The following CEP112 variants were observed in gnomAD, a reference collection of about 807,000 sequenced individuals.
CEP112 encodes the protein centrosomal protein of 112 kDa.
CEP112 carries 127 observed loss-of-function variants against 153.0 expected under a neutral mutation model. The ratio of observed to expected loss-of-function variants is 0.83; its 90% CI spans 0.72 to 0.96. The LOEUF is 0.96. Ranked by LOEUF, CEP112 falls within the 40% of genes least tolerant of loss-of-function variation. The pLI is 0.00. For missense variants in CEP112, 1,089 were observed against 1,101.2 expected (o/e 0.99, Z 0.16); for synonymous variants, 358 against 374.4 (o/e 0.96, Z 0.51).
intron 20 of CEP112, among the ~76,000 whole-genome samples, chr17:65,883,024 G>A (rs1051388534): frequency 2.0e-5 from 3 of 152,106 alleles, no homozygotes; most frequent in Non-Finnish European, 4.4e-5. Flanking sequence ...GTCACAGTCT[G>A]TACTAGGAAC....
At chr17:65,809,856 G>T (rs1057351066) in intron 21 of CEP112, among the ~76,000 whole-genome samples, 1 of 152,048 alleles carries the variant, frequency 6.6e-6, no homozygotes, top group South Asian at 2.1e-4. Flanking sequence ...AGGAAGTGGG[G>T]GGGGGAAGAT....
chr17:66,132,811 C>T, intron 4 of CEP112, 48 bp from the exon 5 acceptor site: 1 of 1,177,028 alleles, frequency 8.5e-7, no homozygotes, highest in East Asian at 2.3e-5. Flanking sequence ...ATTCAGAGGA[C>T]ACAGAGTATT....
intron 21 of CEP112, among the ~76,000 whole-genome samples, chr17:65,786,493 G>A (rs1332338229): frequency 2.0e-5 from 3 of 150,396 alleles, no homozygotes; most frequent in African/African-American, 4.9e-5. Flanking sequence ...GGTTACTGAC[G>A]ATATGAGCAG....
At chr17:65,926,450 C>A (rs1804084560) in intron 19 of CEP112, among the ~76,000 whole-genome samples, 1 of 152,150 alleles carries the variant, frequency 6.6e-6, no homozygotes. Flanking sequence ...TGGTGGCTCA[C>A]ACCTGTAATC....
chr17:66,038,188 T>A (rs1012045906), intron 12 of CEP112, among the ~76,000 whole-genome samples: 23 of 152,100 alleles, frequency 1.5e-4, no homozygotes, highest in Middle Eastern at 3.4e-3. Flanking sequence ...AAGACATAAC[T>A]GCTGTTAGAA....
intron 18 of CEP112, among the ~76,000 whole-genome samples, chr17:65,940,608 A>G (rs957611209): frequency 6.6e-6 from 1 of 152,178 alleles, no homozygotes; most frequent in East Asian, 1.9e-4. Context: ...AACCTGGAGG[A>G]CATTGTGTTA....
At chr17:65,872,147 GTTAATT>G (rs1349829586) in intron 20 of CEP112, among the ~76,000 whole-genome samples, 1 of 151,924 alleles carries the variant, frequency 6.6e-6, no homozygotes, top group East Asian at 1.9e-4. Context: ...ATACATAATT[GTTAATT>G]TTAAGTTATT....
rs187119342 is a variant in CEP112 at position 66,129,342 on chromosome 17, G to A, written c.642+404C>T. Among the ~76,000 whole-genome samples, 14 of 152,128 alleles carry A rather than the reference G, an allele frequency of 9.2e-5. No homozygotes were observed. The South Asian group carries it at 1.5e-3, about 16-fold the overall frequency. ...CCTCAGCCTCTATAAACTGTTTTCC[G>A]TAAGAGCTGCTCATCCATGGGGTCC... On this transcript the variant is annotated intron_variant, in intron 6 of 26. Coordinates refer to ENST00000535342, the MANE Select transcript of CEP112 (RefSeq NM_001199165.4).
intron 24 of CEP112, chr17:65,688,496 G>C (rs2047929065): frequency 6.6e-6 from 1 of 152,302 alleles, no homozygotes; most frequent in South Asian, 2.1e-4. Context: ...TAGTTTCCAG[G>C]AAAGATTTCC....
chr17:65,668,119 C>T (rs1291912602), intron 24 of CEP112, among the ~76,000 whole-genome samples: 1 of 152,148 alleles, frequency 6.6e-6, no homozygotes, highest in African/African-American at 2.4e-5. Context: ...TGGTCTCGAA[C>T]TCCTGACCTC....
At chr17:66,049,139 C>G (rs2066336301) in intron 12 of CEP112, among the ~76,000 whole-genome samples, 1 of 152,116 alleles carries the variant, frequency 6.6e-6, no homozygotes, top group South Asian at 2.1e-4. Flanking sequence ...TTATGGAGAT[C>G]TCTCCCTGAG....
intron 21 of CEP112, among the ~76,000 whole-genome samples, chr17:65,835,121 T>C (rs2057249319): frequency 6.6e-6 from 1 of 151,570 alleles, no homozygotes; most frequent in Admixed American, 6.6e-5. Context: ...AGGTTCTCAC[T>C]TGTAAGTAGT....
At chr17:66,170,551 G>C (rs1405072814) in intron 4 of CEP112, among the ~76,000 whole-genome samples, 1 of 151,970 alleles carries the variant, frequency 6.6e-6, no homozygotes, top group Non-Finnish European at 1.5e-5. Context: ...TATCACTTAA[G>C]GTCAGGAATT....
intron 1 of CEP112, among the ~76,000 whole-genome samples, chr17:66,185,478 C>T (rs1003498073): frequency 6.6e-6 from 1 of 152,194 alleles, no homozygotes; most frequent in African/African-American, 2.4e-5. Context: ...ACCTCAGCCT[C>T]CCAAAGTGCT....
chr17:66,103,838 G>A (rs1008156926), intron 6 of CEP112, among the ~76,000 whole-genome samples: 1 of 152,206 alleles, frequency 6.6e-6, no homozygotes, highest in African/African-American at 2.4e-5. Flanking sequence ...AGAGCACAGT[G>A]ATTGTGGGAT....
intron 23 of CEP112, among the ~76,000 whole-genome samples, chr17:65,728,019 G>A (rs768490986): frequency 6.6e-6 from 1 of 152,192 alleles, no homozygotes; most frequent in Non-Finnish European, 1.5e-5. Context: ...ATTTACCTTG[G>A]TTTTGTCAAT....
chr17:65,881,003 T>C (rs1166641931), intron 20 of CEP112, among the ~76,000 whole-genome samples: 3 of 152,058 alleles, frequency 2.0e-5, no homozygotes, highest in African/African-American at 7.2e-5. Context: ...GATCACAAGG[T>C]CAGGAGATCC....
At position 66,148,117 on chromosome 17, in the gene CEP112, G is replaced by A. The variant is rs144920510; in HGVS notation, c.471-15354C>T. On this transcript the variant is annotated intron_variant, in intron 4 of 26. Coordinates refer to ENST00000535342, the MANE Select transcript of CEP112 (RefSeq NM_001199165.4). ...ACAGGTCCACATGGCTGGGGAGGCC[G>A]CACAATCATGGCAGAAGGCAAAAGG... is the stretch of plus-strand genomic sequence containing the variant. Among the ~76,000 whole-genome samples, 1,177 of 152,256 alleles carry A rather than the reference G, an allele frequency of 7.7e-3. 14 individuals are homozygous for A. Among genetic ancestry groups the A allele is most frequent in the African/African-American group, 0.026 (1,089 of 41,552 alleles).
At chr17:66,187,879 A>C (rs11868698) in intron 1 of CEP112, among the ~76,000 whole-genome samples, 2 of 152,122 alleles carry the variant, frequency 1.3e-5, no homozygotes, top group African/African-American at 4.8e-5. Context: ...TAAATCTATG[A>C]TGTACTCTGC....
Sources: gnomAD v4.1 joint callset for allele counts (sites outside exome capture counted in the v4.1 genomes callset) on GRCh38, gnomAD v4.1.1 for gene constraint, MANE v1.5 for transcripts, NCBI Gene and HGNC (gene_info 2026-07-23, HGNC 2026-07-21) for gene names.